The following LTBP1 variants were observed in gnomAD, a reference collection of about 807,000 sequenced individuals.
The protein encoded by LTBP1 is latent-transforming growth factor beta-binding protein 1.
Under a neutral mutation model 207.6 loss-of-function variants are expected in LTBP1, and 129 were observed. That is an observed-to-expected ratio of 0.62 (90% CI 0.54 to 0.72). The LOEUF (loss-of-function observed/expected upper bound fraction) is 0.72. Among genes scored for constraint, LTBP1 ranks in the 30% least tolerant of loss-of-function variants. LTBP1 has a pLI of 0.00. For synonymous variants in LTBP1, 963 were observed against 833.7 expected (o/e 1.16, Z -2.67); for missense variants, 2,281 against 2,217.2 (o/e 1.03, Z -0.58).
chr2:33,296,770 C>A (rs2093884197), intron 20 of LTBP1, among the ~76,000 whole-genome samples: 3 of 152,016 alleles, frequency 2.0e-5, no homozygotes, highest in Admixed American at 1.3e-4. Context: ...GGATGCTAGT[C>A]CTGATGCGTA....
chr2:32,957,651 G>C (rs769033094), intron 2 of LTBP1, among the ~76,000 whole-genome samples: 1 of 152,146 alleles, frequency 6.6e-6, no homozygotes, highest in Non-Finnish European at 1.5e-5. Context: ...GAAATATTAC[G>C]AGAATTTCCA....
rs150816056 is a variant in LTBP1, at chr2:32,963,754, C to A, written c.565+14809C>A. On this transcript the variant is annotated intron_variant, in intron 2 of 33. Coordinates refer to ENST00000404816, the MANE Select transcript of LTBP1 (RefSeq NM_206943.4). The stretch of plus-strand genomic sequence containing the variant: ...ACCCCTGTGGGATGCGTAACAAATG[C>A]AGGTTGTGGGACTTTCCCACACACC... 6.6e-4 allele frequency among the ~76,000 whole-genome samples: 100 copies of A among 152,226 alleles called. 1 individual carries two copies. In the East Asian group the frequency reaches 0.016, roughly 24 times the overall value.
chr2:33,073,096 A>T (rs1324067779), intron 3 of LTBP1, among the ~76,000 whole-genome samples: 1 of 152,316 alleles, frequency 6.6e-6, no homozygotes, highest in South Asian at 2.1e-4. Flanking sequence ...AATCTTGGCC[A>T]GTTCAGTAGT....
intron 2 of LTBP1, among the ~76,000 whole-genome samples, chr2:32,988,201 C>T (rs1020136194): frequency 2.6e-5 from 4 of 152,142 alleles, no homozygotes; most frequent in Non-Finnish European, 5.9e-5. Context: ...TCCAGAACTG[C>T]GAGAGAATAA....
intron 5 of LTBP1, among the ~76,000 whole-genome samples, chr2:33,168,044 C>G (rs568740041): frequency 2.4e-4 from 36 of 152,206 alleles, no homozygotes; most frequent in African/African-American, 7.9e-4. Context: ...CACCATCTAG[C>G]CCCTGTTAGA....
intron 3 of LTBP1, among the ~76,000 whole-genome samples, chr2:33,067,693 A>G (rs1270899217): frequency 1.3e-5 from 2 of 152,206 alleles, no homozygotes; most frequent in East Asian, 3.8e-4. Flanking sequence ...TTTAAAATAT[A>G]CAAGAGGATA....
At chr2:33,179,547 T>G (rs185361823) in intron 5 of LTBP1, among the ~76,000 whole-genome samples, 41 of 152,138 alleles carry the variant, frequency 2.7e-4, no homozygotes, top group African/African-American at 9.4e-4. Context: ...CTCTGTTGTG[T>G]CTTTTGCATG....
chr2:33,139,075 G>A (rs1168716691), intron 5 of LTBP1, among the ~76,000 whole-genome samples: 2 of 151,432 alleles, frequency 1.3e-5, no homozygotes, highest in African/African-American at 4.9e-5. Flanking sequence ...AGCCAGGATG[G>A]TCTCCATCTC....
chr2:33,239,873 C>T (rs2092235188), intron 9 of LTBP1, among the ~76,000 whole-genome samples: 1 of 151,668 alleles, frequency 6.6e-6, no homozygotes, highest in Admixed American at 6.6e-5. Context: ...CGCTGTACTC[C>T]AACCTGTGTG....
At chr2:33,217,992 G>A (rs2090842162) in intron 8 of LTBP1, among the ~76,000 whole-genome samples, 1 of 152,180 alleles carries the variant, frequency 6.6e-6, no homozygotes, top group African/African-American at 2.4e-5. Context: ...TTCAAACCCT[G>A]TAAAAAGTAC....
chr2:33,398,318 G>C lies in LTBP1; in HGVS notation c.4985-46G>C, dbSNP rs767870205. On this transcript the variant is annotated intron_variant, in intron 33 of 33. Transcript: ENST00000404816. ...AAGCCTCAGGTTATGTGTCCTCACA[G>C]AATAATATCCAAGATTGTTTACCTG... 4 of 1,574,926 alleles carry C rather than the reference G, an allele frequency of 2.5e-6. No individual in the cohort carries two copies. The South Asian group carries it at 4.7e-5, about 19-fold the overall frequency.
Position 33,310,003 on chromosome 2 carries a change from A to G in LTBP1, c.3604+447A>G, listed in dbSNP as rs556491419. On this transcript the variant is annotated intron_variant, in intron 23 of 33. Coordinates refer to ENST00000404816, the MANE Select transcript of LTBP1 (RefSeq NM_206943.4). ...GCTCTTGTCACCCAGGTTGGAGTGC[A>G]GTGGTATGATCTCGGCTCACTGCAA... 4.1e-5 allele frequency among the ~76,000 whole-genome samples: 6 copies of G among 146,874 alleles called. No homozygotes were observed. The East Asian group carries it at 1.2e-3, about 29-fold the overall frequency.
At chr2:33,046,671 AGTTTCAGAAGGAATGGT>A (rs2076462641) in intron 3 of LTBP1, among the ~76,000 whole-genome samples, 1 of 152,142 alleles carries the variant, frequency 6.6e-6, no homozygotes, top group Admixed American at 6.5e-5. Context: ...TGTTTGGAAT[AGTTTCAGAAGGAATGGT>A]ACCAGCTCCT....
At chr2:33,152,938 A>G (rs1345533024) in intron 5 of LTBP1, among the ~76,000 whole-genome samples, 1 of 152,202 alleles carries the variant, frequency 6.6e-6, no homozygotes, top group Non-Finnish European at 1.5e-5. Context: ...ACAAGACTCA[A>G]ATTTTTAAGT....
intron 7 of LTBP1, among the ~76,000 whole-genome samples, chr2:33,200,476 G>GAAGA (rs1189868138): frequency 3.3e-5 from 5 of 151,968 alleles, no homozygotes; most frequent in Admixed American, 3.3e-4. Context: ...AAAATTAATT[G>GAAGA]AAGATGGATT....
chr2:33,241,478 AGGT>A (rs2092320414), intron 9 of LTBP1, among the ~76,000 whole-genome samples: 1 of 152,218 alleles, frequency 6.6e-6, no homozygotes. Context: ...GTTGTAAATC[AGGT>A]ATTTATGAGT....
At chr2:33,312,719 G>A (rs969697496) in intron 23 of LTBP1, among the ~76,000 whole-genome samples, 5 of 151,456 alleles carry the variant, frequency 3.3e-5, no homozygotes, top group Admixed American at 6.6e-5. Flanking sequence ...TTCAGTTCCC[G>A]TCATCAAACT....
chr2:33,382,187 C>T (rs2095223984), intron 31 of LTBP1, among the ~76,000 whole-genome samples: 2 of 145,222 alleles, frequency 1.4e-5, no homozygotes, highest in South Asian at 2.2e-4. Flanking sequence ...CTCCACCTCC[C>T]GAGTTCAAGC....
chr2:33,270,408 T>C (rs534002564), intron 15 of LTBP1, among the ~76,000 whole-genome samples: 1 of 151,624 alleles, frequency 6.6e-6, no homozygotes, highest in Non-Finnish European at 1.5e-5. Context: ...GTTAACACGA[T>C]GAAACCCCGT....
Sources: allele counts gnomAD v4.1 joint callset (sites outside exome capture counted in the v4.1 genomes callset), GRCh38; gene constraint gnomAD v4.1.1; transcripts MANE v1.5; gene names NCBI Gene and HGNC (gene_info 2026-07-23, HGNC 2026-07-21).